The following BCR variants were observed in gnomAD, a reference collection of about 807,000 sequenced individuals.
BCR encodes breakpoint cluster region protein.
BCR carries 58 observed loss-of-function variants against 138.6 expected under a neutral mutation model. The ratio of observed to expected loss-of-function variants is 0.42; its 90% CI spans 0.34 to 0.52. The LOEUF is 0.52. Ranked by LOEUF, BCR falls within the 20% of genes least tolerant of loss-of-function variation. The pLI is 0.06. For missense variants in BCR, 1,599 were observed against 1,727.2 expected, an observed-to-expected ratio of 0.93 and a Z score of 1.32; for synonymous variants, 786 against 730.1, an observed-to-expected ratio of 1.08 and a Z score of -1.23.
At chr22:23,276,139 C>T (rs2073573381) in intron 8 of BCR, among the ~76,000 whole-genome samples, 1 of 152,262 alleles carries the variant, frequency 6.6e-6, no homozygotes, top group Non-Finnish European at 1.5e-5. Flanking sequence ...GTGGCTCACA[C>T]CTGTAATCCT....
chr22:23,204,781 G>A lies in BCR; in HGVS notation c.1279+22542G>A, dbSNP rs541089980. Among the ~76,000 whole-genome samples the A allele has an allele frequency of 6.0e-4, 92 of 152,300 alleles. No homozygotes were observed. The South Asian group carries it at 7.5e-3, about 12-fold the overall frequency. ...TGCCAAAGTGCAGAGCGTGGGCAGC[G>A]GGAGGCCCTGCCGTCCGCGTGGATG... On this transcript the variant is annotated intron_variant, in intron 1 of 22. Coordinates refer to ENST00000305877, the MANE Select transcript of BCR (RefSeq NM_004327.4).
intron 1 of BCR, among the ~76,000 whole-genome samples, chr22:23,206,922 C>T (rs1306552758): frequency 1.3e-5 from 2 of 150,758 alleles, no homozygotes; most frequent in East Asian, 3.9e-4. Flanking sequence ...ATCTATTCAT[C>T]CCTCTGTCAT....
In BCR at chr22:23,181,633, G is replaced by T. The variant is rs1001469744; in HGVS notation, c.673G>T (p.Asp225Tyr). ...GCACGGCGCGGGCTCGAGCGTGGGG[G>T]ATGCATCCAGGCCCCCTTACCGGGG... The part of the protein sequence containing the change: ...SQHGAGSSVG[D>Y]ASRPPYRGRS... The change falls in exon 1 of 23, where the codon GAT (aspartate) becomes TAT (tyrosine). Residue 225 changes from aspartate (D) to tyrosine (Y), a missense_variant. Physicochemically the swap from Asp to Tyr is radical, Grantham distance 160. Transcript: ENST00000305877. 1 of 1,610,598 alleles carries T rather than the reference G, an allele frequency of 6.2e-7. No individual in the cohort carries two copies. The highest frequency in any genetic ancestry group is 1.3e-5 in the African/African-American group (1 of 74,950).
chr22:23,315,306 T>C (rs1602139443), intron 22 of BCR, 127 bp from the exon 23 acceptor site: 5 of 654,840 alleles, frequency 7.6e-6, no homozygotes, highest in Non-Finnish European at 8.1e-6. Flanking sequence ...CTGTAAGGGG[T>C]TCATGACACC....
rs139723447 is a variant in BCR at position 23,288,006 on chromosome 22, C to G, written c.2527-91C>G. ...ACTGGGCTCCAGCCGGCTGGAGATA[C>G]GAGTTGTGTGCTCTAAGGTGCCCCG... On this transcript the variant is annotated intron_variant, in intron 11 of 22. Transcript: ENST00000305877. 5,853 of 1,244,674 alleles carry G rather than the reference C, an allele frequency of 4.7e-3. 23 individuals carry two copies. Among genetic ancestry groups the G allele is most frequent in the Middle Eastern group, 6.6e-3 (25 of 3,802 alleles). The allele number at this position is 1,244,674 out of a possible 1,614,324, so 77.1% of individuals were successfully genotyped here. A position where few individuals can be genotyped will look rare whatever the true frequency, so the allele number is the denominator to read the frequency against.
intron 16 of BCR, among the ~76,000 whole-genome samples, chr22:23,296,369 G>A (rs113241307): frequency 0.093 from 11,399 of 121,974 alleles, 526 homozygotes; most frequent in East Asian, 0.18. Context: ...GCGAGAGTCC[G>A]TCTCAAAAAA....
intron 18 of BCR, 111 bp downstream of exon 18, chr22:23,310,544 G>T (rs2073996049): frequency 1.5e-6 from 1 of 678,024 alleles, no homozygotes; most frequent in East Asian, 3.0e-5. Context: ...CCACTGCACG[G>T]TGAGGTCAGG....
chr22:23,300,538 T>C (rs2073891898), intron 16 of BCR, among the ~76,000 whole-genome samples: 1 of 152,068 alleles, frequency 6.6e-6, no homozygotes, highest in African/African-American at 2.4e-5. Context: ...GTGTTATCTT[T>C]GCATTCGCAA....
At chr22:23,244,948 T>A (rs1226160823) in intron 1 of BCR, among the ~76,000 whole-genome samples, 1 of 152,178 alleles carries the variant, frequency 6.6e-6, no homozygotes, top group Non-Finnish European at 1.5e-5. Context: ...GGTGGGTCCT[T>A]GGAGACAGGG....
rs77352392 is a variant in BCR at position 23,240,153 on chromosome 22, C to G, written c.1280-13646C>G. 2.3e-3 allele frequency among the ~76,000 whole-genome samples: 352 copies of G among 152,204 alleles called. 2 individuals carry two copies. Among genetic ancestry groups the G allele is most frequent in the African/African-American group, 8.0e-3 (333 of 41,518 alleles). Reference sequence around the variant, plus strand: ...CAGTCACATTGGATTAGGACCTAACCTAATGACCTCATTTTAACTTGGTAA... The same window carrying G: ...CAGTCACATTGGATTAGGACCTAACGTAATGACCTCATTTTAACTTGGTAA... On this transcript the variant is annotated intron_variant, in intron 1 of 22. Coordinates refer to ENST00000305877, the MANE Select transcript of BCR (RefSeq NM_004327.4).
At chr22:23,283,921 A>AC in intron 8 of BCR, 56 bp from the exon 9 acceptor site, 2 of 1,495,350 alleles carry the variant, frequency 1.3e-6, no homozygotes, top group Admixed American at 2.4e-5. Context: ...AGGGCCGAAC[A>AC]CCCCCCACCC....
chr22:23,268,562 T>TG, intron 5 of BCR, 47 bp downstream of exon 5: 1 of 1,480,206 alleles, frequency 6.8e-7, no homozygotes, highest in South Asian at 1.2e-5. Flanking sequence ...GACTCCCACC[T>TG]GTACCCTCCA....
At chr22:23,263,259 G>GAC in intron 4 of BCR, 1 of 1,081,148 alleles carries the variant, frequency 9.2e-7, no homozygotes, top group Non-Finnish European at 1.4e-6. Context: ...CTCCTACCTC[G>GAC]ACATGCGGGC....
At chr22:23,308,522 G>T in intron 16 of BCR, among the ~76,000 whole-genome samples, 1 of 152,108 alleles carries the variant, frequency 6.6e-6, no homozygotes, top group East Asian at 1.9e-4. Context: ...AGCCAGGATG[G>T]TCTCAACCTC....
At chr22:23,281,830 C>T (rs1049583644) in intron 8 of BCR, among the ~76,000 whole-genome samples, 3 of 152,218 alleles carry the variant, frequency 2.0e-5, no homozygotes, top group Non-Finnish European at 4.4e-5. Context: ...CGTGGCAAGC[C>T]GGCATGTGGG....
intron 15 of BCR, among the ~76,000 whole-genome samples, 166 bp downstream of exon 15, chr22:23,292,804 ATTT>A (rs1210756562): frequency 1.3e-5 from 2 of 151,942 alleles, no homozygotes; most frequent in Non-Finnish European, 2.9e-5. Flanking sequence ...TGTCCAAGAG[ATTT>A]TATCTCCTTG....
chr22:23,233,384 G>C (rs1031588398), intron 1 of BCR, among the ~76,000 whole-genome samples: 2 of 152,186 alleles, frequency 1.3e-5, no homozygotes, highest in Non-Finnish European at 2.9e-5. Context: ...AGACACCACT[G>C]CTTCCCCACA....
intron 1 of BCR, among the ~76,000 whole-genome samples, chr22:23,207,601 C>T (rs546326769): frequency 1.1e-4 from 16 of 152,154 alleles, no homozygotes; most frequent in Middle Eastern, 3.4e-3. Context: ...CTAGCCTGGG[C>T]GACAGAGACA....
intron 1 of BCR, among the ~76,000 whole-genome samples, 183 bp downstream of exon 1, chr22:23,182,422 C>T (rs1381124631): frequency 1.3e-5 from 2 of 152,248 alleles, no homozygotes; most frequent in African/African-American, 4.8e-5. Context: ...TTCCTGAATG[C>T]ATACTGTTAG....
Sources: gnomAD v4.1 joint callset for allele counts (sites outside exome capture counted in the v4.1 genomes callset) on GRCh38, gnomAD v4.1.1 for gene constraint, MANE v1.5 for transcripts, NCBI Gene and HGNC (gene_info 2026-07-23, HGNC 2026-07-21) for gene names.